TANC2: variants seen among roughly 807,000 people sequenced by gnomAD.
TANC2 encodes tetratricopeptide repeat, ankyrin repeat and coiled-coil containing 2.
In TANC2, 26 loss-of-function variants were observed where a neutral mutation model predicts 210.5. The ratio of observed to expected loss-of-function variants is 0.12; its 90% confidence interval spans 0.09 to 0.17. TANC2 has a LOEUF of 0.17. TANC2 is among the 10% of genes least tolerant of loss of function. TANC2 has a pLI of 1.00. For missense variants in TANC2, 2,129 were observed against 2,608.9 expected (o/e 0.82, Z 4.01); for synonymous variants, 931 against 967.1 (o/e 0.96, Z 0.69).
chr17:63,079,617 C>T (rs1409701095), intron 3 of TANC2, among the ~76,000 whole-genome samples: 2 of 152,186 alleles, frequency 1.3e-5, no homozygotes, highest in South Asian at 2.1e-4. Context: ...TCAGAACAAA[C>T]GCTAGCTGTA....
chr17:63,414,490 C>T (rs151226450), intron 25 of TANC2, among the ~76,000 whole-genome samples: 13 of 152,286 alleles, frequency 8.5e-5, no homozygotes, highest in Admixed American at 1.3e-4. Context: ...TACGTGACTT[C>T]ATAGAAGGTC....
intron 7 of TANC2, among the ~76,000 whole-genome samples, chr17:63,210,889 A>C (rs943938647): frequency 3.9e-5 from 6 of 152,094 alleles, no homozygotes; most frequent in Non-Finnish European, 8.8e-5. Context: ...TGTAGTTTTT[A>C]ATCTTTTTAA....
At chr17:63,217,535 A>C (rs933208600) in intron 7 of TANC2, among the ~76,000 whole-genome samples, 1 of 152,258 alleles carries the variant, frequency 6.6e-6, no homozygotes, top group Non-Finnish European at 1.5e-5. Flanking sequence ...TGAAATAAAT[A>C]AACTATCAGA....
At position 63,109,319 on chromosome 17, in the gene TANC2, A is replaced by G. The variant is rs181480992; in HGVS notation, c.322+9962A>G. Among the ~76,000 whole-genome samples the G allele has an allele frequency of 1.9e-4, 29 of 151,846 alleles. 3 individuals carry two copies. Among genetic ancestry groups the G allele is most frequent in the African/African-American group, 7.1e-4 (29 of 41,132 alleles). On this transcript the variant is annotated intron_variant, in intron 4 of 27. Transcript: ENST00000689528. ...ATCTTTGATAGAAGTGATCAAAATGAAAAAGAGGGAGTGAGAAAAGATAAC... is the reference window on the plus strand; with the variant it reads ...ATCTTTGATAGAAGTGATCAAAATGGAAAAGAGGGAGTGAGAAAAGATAAC...
chr17:63,175,686 TAA>T (rs747429322), intron 5 of TANC2, among the ~76,000 whole-genome samples: 68 of 152,126 alleles, frequency 4.5e-4, no homozygotes, highest in Non-Finnish European at 9.7e-4. Context: ...TACCTAAATT[TAA>T]AAGTTTTGTT....
chr17:63,413,509 GT>G (rs1294808641), intron 24 of TANC2, 33 bp from the exon 25 acceptor site: 2 of 1,540,364 alleles, frequency 1.3e-6, no homozygotes, highest in African/African-American at 1.4e-5. Flanking sequence ...CATTGTATGA[GT>G]TTTTTACCCA....
chr17:63,142,454 T>G (rs2039322703), intron 4 of TANC2, among the ~76,000 whole-genome samples: 1 of 152,186 alleles, frequency 6.6e-6, no homozygotes, highest in Admixed American at 6.5e-5. Context: ...GGCCCCATTT[T>G]TATTCCTAAT....
chr17:63,284,557 C>G (rs2044162804), intron 9 of TANC2, among the ~76,000 whole-genome samples: 1 of 151,760 alleles, frequency 6.6e-6, no homozygotes. Flanking sequence ...GGGGAACTTC[C>G]AGATATATTT....
intron 3 of TANC2, among the ~76,000 whole-genome samples, chr17:63,082,986 C>G (rs1175216809): frequency 6.6e-6 from 1 of 152,194 alleles, no homozygotes; most frequent in Non-Finnish European, 1.5e-5. Context: ...AATCAGTTTT[C>G]TAATTGTTCC....
chr17:63,308,627 A>G (rs751286998), intron 9 of TANC2, among the ~76,000 whole-genome samples: 1 of 152,220 alleles, frequency 6.6e-6, no homozygotes, highest in Non-Finnish European at 1.5e-5. Flanking sequence ...TTGTAACTAC[A>G]TATACTTTGT....
At chr17:63,387,813 A>G (rs899190797) in intron 15 of TANC2, among the ~76,000 whole-genome samples, 2 of 152,258 alleles carry the variant, frequency 1.3e-5, no homozygotes. Flanking sequence ...GACCTGTGCC[A>G]GTGATACTAG....
At chr17:63,077,284 A>G (rs1004867832) in intron 3 of TANC2, among the ~76,000 whole-genome samples, 1 of 152,236 alleles carries the variant, frequency 6.6e-6, no homozygotes, top group Non-Finnish European at 1.5e-5. Flanking sequence ...TTATTCAAAT[A>G]TAAGAATAGA....
chr17:63,350,259 A>T (rs1162878938), intron 12 of TANC2, among the ~76,000 whole-genome samples: 1 of 152,082 alleles, frequency 6.6e-6, no homozygotes, highest in East Asian at 1.9e-4. Context: ...CCTCAGATAA[A>T]ACCTGTTTCT....
intron 7 of TANC2, among the ~76,000 whole-genome samples, chr17:63,220,375 T>G (rs2042137526): frequency 6.6e-6 from 1 of 151,292 alleles, no homozygotes; most frequent in Non-Finnish European, 1.5e-5. Flanking sequence ...GGCATTTTAG[T>G]GAGAAAAGGC....
intron 9 of TANC2, among the ~76,000 whole-genome samples, chr17:63,285,161 T>G (rs1415388458): frequency 6.6e-6 from 1 of 152,126 alleles, no homozygotes; most frequent in Non-Finnish European, 1.5e-5. Flanking sequence ...TAGTGATGGG[T>G]CTTGCTTTTT....
At chr17:63,220,717 AAAATAT>A (rs1234862793) in intron 7 of TANC2, among the ~76,000 whole-genome samples, 1 of 135,922 alleles carries the variant, frequency 7.4e-6, no homozygotes, top group Non-Finnish European at 1.5e-5. Context: ...AAAAAAAAAA[AAAATAT>A]ATATATATAT....
rs146738687 is a variant in TANC2 at position 63,314,308 on chromosome 17, C to T, written c.1160-80C>T. On this transcript the variant is annotated intron_variant, in intron 9 of 27. Coordinates refer to ENST00000689528, the Ensembl canonical transcript of TANC2. ...TCATATGATAACTCAAGTCCCTAAA[C>T]CACACTGCATTTTTTCTCTCTTTGT... 558 of 1,523,012 alleles carry T rather than the reference C, an allele frequency of 3.7e-4. 2 individuals are homozygous for T. The African/African-American group carries it at 7.1e-3, about 19-fold the overall frequency. 94.3% of individuals were successfully genotyped at this position (1,523,012 alleles called of 1,614,324 possible). A position where few individuals can be genotyped will look rare whatever the true frequency, so the allele number is the denominator to read the frequency against.
At chr17:63,026,903 G>A (rs1206385143) in intron 2 of TANC2, among the ~76,000 whole-genome samples, 1 of 152,068 alleles carries the variant, frequency 6.6e-6, no homozygotes, top group Non-Finnish European at 1.5e-5. Flanking sequence ...ACTTTCATAG[G>A]TTGGTACTTT....
At position 63,280,025 on chromosome 17, in the gene TANC2, G is replaced by A. The variant is rs939041601; in HGVS notation, c.1159+12152G>A. Among the ~76,000 whole-genome samples, 16 of 152,214 alleles carry A rather than the reference G, an allele frequency of 1.1e-4. 1 individual carries two copies. The highest frequency in any genetic ancestry group is 8.5e-4 in the Admixed American group (13 of 15,268). On this transcript the variant is annotated intron_variant, in intron 9 of 27. Coordinates refer to ENST00000689528, the Ensembl canonical transcript of TANC2. ...ACATTTGAGTCATGGTTAGTTCATAGTCAGTATCACTCAATTCTCATATGT... is the reference window on the plus strand; with the variant it reads ...ACATTTGAGTCATGGTTAGTTCATAATCAGTATCACTCAATTCTCATATGT...
Sources: allele counts gnomAD v4.1 joint callset (sites outside exome capture counted in the v4.1 genomes callset), GRCh38; gene constraint gnomAD v4.1.1; transcripts MANE v1.5; gene names NCBI Gene and HGNC (gene_info 2026-07-23, HGNC 2026-07-21).